PINX1: variants seen among roughly 807,000 people sequenced by gnomAD.
PINX1 encodes the protein PIN2/TERF1-interacting telomerase inhibitor 1.
Under a neutral mutation model 25.4 loss-of-function variants are expected in PINX1, and 34 were observed. The ratio of observed to expected loss-of-function variants is 1.34; its 90% CI spans 1.02 to 1.78. The LOEUF (loss-of-function observed/expected upper bound fraction) is 1.78, where lower values mean the gene tolerates loss of function less well. PINX1 is among the 40% of genes most tolerant of loss of function. The pLI is 0.00. For missense variants in PINX1, 592 were observed against 404.9 expected (o/e 1.46, Z -3.97); for synonymous variants, 197 against 147.7 (o/e 1.33, Z -2.42).
chr8:10,814,205 T>C (rs1200071829), intron 6 of PINX1, among the ~76,000 whole-genome samples: 1 of 152,036 alleles, frequency 6.6e-6, no homozygotes, highest in Non-Finnish European at 1.5e-5. Context: ...ACAAAGATGG[T>C]GGGAAAAGGA....
intron 4 of PINX1, among the ~76,000 whole-genome samples, chr8:10,827,929 A>T (rs1798107434): frequency 6.6e-6 from 1 of 151,444 alleles, no homozygotes; most frequent in African/African-American, 2.4e-5. Flanking sequence ...AAAAAAAAAA[A>T]ATCCAACAAA....
intron 3 of PINX1, among the ~76,000 whole-genome samples, chr8:10,832,437 GCTT>G (rs1417420717): frequency 2.0e-5 from 3 of 152,168 alleles, no homozygotes; most frequent in African/African-American, 7.2e-5. Flanking sequence ...ACTGGGCAAT[GCTT>G]CTTCTAAGAA....
intron 4 of PINX1, among the ~76,000 whole-genome samples, chr8:10,829,665 A>G (rs186261376): frequency 6.6e-6 from 1 of 151,624 alleles, no homozygotes; most frequent in Non-Finnish European, 1.5e-5. Context: ...CAAGTCTTAT[A>G]TGTTCATGCT....
At chr8:10,837,393 G>A (rs1411929733) in intron 1 of PINX1, among the ~76,000 whole-genome samples, 2 of 152,210 alleles carry the variant, frequency 1.3e-5, no homozygotes, top group African/African-American at 4.8e-5. Context: ...TTTGCCCCGT[G>A]CATCTTTTCC....
chr8:10,815,624 AAAG>A (rs1323386509), intron 6 of PINX1, among the ~76,000 whole-genome samples: 1 of 152,192 alleles, frequency 6.6e-6, no homozygotes, highest in Non-Finnish European at 1.5e-5. Context: ...CATGCAATTT[AAAG>A]GAGGTCACAA....
chr8:10,806,846 A>C (rs1419597286), intron 6 of PINX1, among the ~76,000 whole-genome samples: 1 of 152,150 alleles, frequency 6.6e-6, no homozygotes, highest in Non-Finnish European at 1.5e-5. Context: ...ACCAGAGCCC[A>C]CGTCCATGGC....
chr8:10,787,548 A>G, intron 6 of PINX1: 1 of 211,354 alleles, frequency 4.7e-6, no homozygotes, highest in Non-Finnish European at 9.6e-6. Flanking sequence ...ATTTGACATT[A>G]GTATTTTGAA....
chr8:10,794,337 A>G (rs1802016663), intron 6 of PINX1, among the ~76,000 whole-genome samples: 1 of 152,268 alleles, frequency 6.6e-6, no homozygotes, highest in South Asian at 2.1e-4. Flanking sequence ...ACAGAAAAGT[A>G]ACTTTTGTTT....
At chr8:10,778,871 TTTACCC>T (rs1251398644) in intron 6 of PINX1, among the ~76,000 whole-genome samples, 1 of 152,212 alleles carries the variant, frequency 6.6e-6, no homozygotes, top group Non-Finnish European at 1.5e-5. Context: ...AGGGTGGGCT[TTTACCC>T]ATGTAAGTTT....
intron 6 of PINX1, among the ~76,000 whole-genome samples, chr8:10,775,425 T>TTTTTTTTTG (rs1801361282): frequency 1.4e-5 from 2 of 140,592 alleles, no homozygotes; most frequent in African/African-American, 5.2e-5. Context: ...TTTTTTTTTT[T>TTTTTTTTTG]TTTTTTTTTT....
In PINX1 at chr8:10,777,891, G is replaced by A. The variant is rs1281360098; in HGVS notation, c.472-11975C>T. Among the ~76,000 whole-genome samples, 6 of 152,262 alleles carry A rather than the reference G, an allele frequency of 3.9e-5. No homozygotes were observed. The South Asian group carries it at 1.0e-3, about 26-fold the overall frequency. On this transcript the variant is annotated intron_variant, in intron 6 of 6. Transcript: ENST00000314787. Reference sequence around the variant, plus strand: ...GACTGCGGGGTCCAGGTTGCAGAGCGGGTGCCTTCCACAGGCACGCAAGCC... The same window carrying A: ...GACTGCGGGGTCCAGGTTGCAGAGCAGGTGCCTTCCACAGGCACGCAAGCC...
chr8:10,829,160 C>T (rs1222504932), intron 4 of PINX1, among the ~76,000 whole-genome samples: 1 of 151,886 alleles, frequency 6.6e-6, no homozygotes, highest in Non-Finnish European at 1.5e-5. Flanking sequence ...GTGGTGTGCA[C>T]CTGTAATCCC....
intron 6 of PINX1, among the ~76,000 whole-genome samples, chr8:10,819,321 G>C (rs989694980): frequency 6.6e-6 from 1 of 152,148 alleles, no homozygotes; most frequent in African/African-American, 2.4e-5. Flanking sequence ...AAAAATGCCA[G>C]GAATCAATAA....
At chr8:10,789,569 A>G (rs749455800) in intron 6 of PINX1, among the ~76,000 whole-genome samples, 8 of 152,194 alleles carry the variant, frequency 5.3e-5, no homozygotes, top group Non-Finnish European at 1.2e-4. Context: ...CTCCCTTGCA[A>G]TGTAGACAGG....
chr8:10,778,062 C>T (rs1043561522), intron 6 of PINX1, among the ~76,000 whole-genome samples: 2 of 152,118 alleles, frequency 1.3e-5, no homozygotes, highest in Non-Finnish European at 2.9e-5. Flanking sequence ...CTTTGTTCTC[C>T]AACAAATAAC....
At chr8:10,789,590 G>C (rs1801858469) in intron 6 of PINX1, among the ~76,000 whole-genome samples, 1 of 152,228 alleles carries the variant, frequency 6.6e-6, no homozygotes, top group Non-Finnish European at 1.5e-5. Context: ...GCAGTGGTCA[G>C]AGGAGTAGCA....
chr8:10,799,501 G>C (rs1316913528), intron 6 of PINX1, among the ~76,000 whole-genome samples: 1 of 152,102 alleles, frequency 6.6e-6, no homozygotes, highest in Non-Finnish European at 1.5e-5. Flanking sequence ...AAAGATTCCA[G>C]TTCATTCCCC....
At chr8:10,796,222 A>G (rs1027575154) in intron 6 of PINX1, among the ~76,000 whole-genome samples, 2 of 152,190 alleles carry the variant, frequency 1.3e-5, no homozygotes, top group African/African-American at 2.4e-5. Context: ...AGGGACTGTG[A>G]GCAAAACCCA....
intron 6 of PINX1, among the ~76,000 whole-genome samples, chr8:10,792,051 A>G (rs1239708738): frequency 1.3e-5 from 2 of 152,152 alleles, no homozygotes; most frequent in East Asian, 1.9e-4. Context: ...CAGCAAGGGT[A>G]GCGCTGGAGC....
Sources: allele counts gnomAD v4.1 joint callset (sites outside exome capture counted in the v4.1 genomes callset), GRCh38; gene constraint gnomAD v4.1.1; transcripts MANE v1.5; gene names NCBI Gene and HGNC (gene_info 2026-07-23, HGNC 2026-07-21).